The following NF1 variants were observed in gnomAD, a reference collection of about 807,000 sequenced individuals.
NF1 encodes neurofibromin 1.
NF1 carries 122 observed loss-of-function variants against 325.7 expected under a neutral mutation model. The observed-to-expected ratio is 0.37, with a 90% CI of 0.32 to 0.44. The LOEUF is 0.44. NF1 is among the 20% of genes least tolerant of loss of function. The pLI is 1.00. For missense variants in NF1, 2,140 were observed against 3,415.4 expected (o/e 0.63, Z 9.31); for synonymous variants, 1,091 against 1,186.0 (o/e 0.92, Z 1.65).
intron 57 of NF1, among the ~76,000 whole-genome samples, chr17:31,364,965 T>C (rs183351228): frequency 9.8e-4 from 149 of 152,308 alleles, no homozygotes; most frequent in African/African-American, 3.4e-3. Context: ...CCAGTCTAGC[T>C]GAGCTGGACA....
At chr17:31,195,069 T>G (rs2066410413) in intron 8 of NF1, among the ~76,000 whole-genome samples, 1 of 152,116 alleles carries the variant, frequency 6.6e-6, no homozygotes, top group South Asian at 2.1e-4. Flanking sequence ...TAGATAGAAA[T>G]CATTGTAAAA....
At chr17:31,235,798 T>C (rs2151438151) in intron 28 of NF1, 26 bp downstream of exon 28, 4 of 1,614,028 alleles carry the variant, frequency 2.5e-6, no homozygotes, top group Non-Finnish European at 2.5e-6. Context: ...TTTGTGTGTA[T>C]GTGTGTGCTG....
intron 32 of NF1, 110 bp from the exon 33 acceptor site, chr17:31,258,922 C>T: frequency 1.4e-6 from 1 of 701,602 alleles, no homozygotes. Context: ...TTTTTAAGTA[C>T]TAGCAGAAAT....
intron 57 of NF1, chr17:31,362,168 G>A (rs1379509224): frequency 3.5e-6 from 1 of 288,616 alleles, no homozygotes; most frequent in Non-Finnish European, 5.2e-6. Flanking sequence ...TACCCCAGGC[G>A]ATTCTTACAC....
chr17:31,239,355 CAA>C (rs1245684217), intron 29 of NF1, among the ~76,000 whole-genome samples: 17 of 152,214 alleles, frequency 1.1e-4, no homozygotes, highest in Admixed American at 8.5e-4. Context: ...GTAGTTATAT[CAA>C]GAGAAACTTC....
intron 1 of NF1, among the ~76,000 whole-genome samples, chr17:31,110,911 CAAAA>C (rs1051151002): frequency 1.3e-5 from 2 of 151,314 alleles, no homozygotes; most frequent in Non-Finnish European, 2.9e-5. Context: ...AAAACAAAAA[CAAAA>C]AAAACCCAGG....
intron 55 of NF1, 148 bp from the exon 56 acceptor site, chr17:31,358,821 G>A: frequency 9.7e-7 from 1 of 1,035,654 alleles, no homozygotes; most frequent in African/African-American, 1.6e-5. Context: ...ATTTTAAGTA[G>A]GTTTTAGTTG....
Position 31,319,755 on chromosome 17 carries a change from G to GAA in NF1, c.4836-6051_4836-6050dup, listed in dbSNP as rs71142045. On this transcript the variant is annotated intron_variant, in intron 36 of 57. Transcript: ENST00000358273. ...AGTTTTCTCAACCTAAAAATCTGAA[G>GAA]AAAAAAAAAAAAAAACAGCAAATTT... Among the ~76,000 whole-genome samples the GAA allele has an allele frequency of 4.2e-3, 496 of 117,844 alleles. 4 individuals carry two copies. Among genetic ancestry groups the GAA allele is most frequent in the African/African-American group, 0.019 (470 of 25,374 alleles). 77.3% of individuals were successfully genotyped at this position (117,844 alleles called of 152,430 possible).
intron 14 of NF1, among the ~76,000 whole-genome samples, chr17:31,221,291 G>A (rs1288126022): frequency 6.6e-6 from 1 of 152,010 alleles, no homozygotes; most frequent in Admixed American, 6.6e-5. Context: ...TCCAACTTCA[G>A]TTCTGTGGTC....
At chr17:31,334,575 T>C in intron 39 of NF1, 2 of 429,220 alleles carry the variant, frequency 4.7e-6, no homozygotes, top group Non-Finnish European at 8.4e-6. Flanking sequence ...ATAAAACAAC[T>C]TTTTAACAAG....
intron 39 of NF1, among the ~76,000 whole-genome samples, chr17:31,334,384 G>A (rs113382438): frequency 2.6e-5 from 4 of 152,018 alleles, no homozygotes; most frequent in African/African-American, 9.7e-5. Context: ...CCGTTTTTGC[G>A]GGGGAGTGGG....
intron 57 of NF1, chr17:31,362,289 T>TA: frequency 9.1e-6 from 9 of 985,404 alleles, no homozygotes; most frequent in Non-Finnish European, 1.1e-5. Flanking sequence ...TTTTTACAGA[T>TA]ACTGCAGCCA....
Position 31,182,276 on chromosome 17 carries a change from A to G in NF1, c.731-232A>G, listed in dbSNP as rs149633479. On this transcript the variant is annotated intron_variant, in intron 7 of 57. Coordinates refer to ENST00000358273, the MANE Select transcript of NF1 (RefSeq NM_001042492.3). ...AGTGAGACTGAATACATGATCATCCATTCTAAAATGTGAGCTTTTCCAGGA... is the reference window on the plus strand; with the variant it reads ...AGTGAGACTGAATACATGATCATCCGTTCTAAAATGTGAGCTTTTCCAGGA... Among the ~76,000 whole-genome samples, 313 of 152,334 alleles carry G rather than the reference A, an allele frequency of 2.1e-3. 2 individuals are homozygous for G. The highest frequency in any genetic ancestry group is 7.4e-3 in the African/African-American group (306 of 41,586).
chr17:31,288,746 C>T (rs1356674143), intron 36 of NF1, among the ~76,000 whole-genome samples: 1 of 152,024 alleles, frequency 6.6e-6, no homozygotes, highest in African/African-American at 2.4e-5. Context: ...CCAGGCTGGT[C>T]TTGAACTCCT....
At chr17:31,131,988 T>G (rs1314908586) in intron 1 of NF1, among the ~76,000 whole-genome samples, 1 of 152,156 alleles carries the variant, frequency 6.6e-6, no homozygotes, top group Non-Finnish European at 1.5e-5. Flanking sequence ...TGGAGTGCAG[T>G]GGTGTGATCA....
At chr17:31,117,672 C>CAAAAAAAAAAAAAAAAAAA (rs780828438) in intron 1 of NF1, among the ~76,000 whole-genome samples, 4 of 19,814 alleles carry the variant, frequency 2.0e-4, no homozygotes, top group Admixed American at 1.3e-3. Context: ...AACTCCATCT[C>CAAAAAAAAAAAAAAAAAAA]AAAAAAAAAA....
intron 46 of NF1, 193 bp from the exon 47 acceptor site, chr17:31,340,312 C>T (rs1165014752): frequency 1.6e-6 from 1 of 643,886 alleles, no homozygotes. Flanking sequence ...AAGTAACGTT[C>T]TCAGTCCAGC....
At chr17:31,367,057 C>T (rs2070538283) in intron 57 of NF1, among the ~76,000 whole-genome samples, 1 of 151,600 alleles carries the variant, frequency 6.6e-6, no homozygotes, top group Non-Finnish European at 1.5e-5. Flanking sequence ...CATTTATTTA[C>T]CAACTGTAAT....
chr17:31,362,408 C>A, intron 57 of NF1: 1 of 951,916 alleles, frequency 1.1e-6, no homozygotes, highest in Non-Finnish European at 1.3e-6. Context: ...ATTGGGGAGA[C>A]TGAGTTTTAG....
Sources: allele counts gnomAD v4.1 joint callset (sites outside exome capture counted in the v4.1 genomes callset), GRCh38; gene constraint gnomAD v4.1.1; transcripts MANE v1.5; gene names NCBI Gene and HGNC (gene_info 2026-07-23, HGNC 2026-07-21).